Variants in YES1 observed in about 807,000 individuals in gnomAD.
YES1 encodes tyrosine-protein kinase Yes.
YES1 carries 39 observed loss-of-function variants against 70.4 expected under a neutral mutation model. That is an observed-to-expected ratio of 0.55 (90% CI 0.43 to 0.72). The LOEUF is 0.72. Ranked by LOEUF, YES1 falls within the 30% of genes least tolerant of loss-of-function variation. The pLI, the probability that YES1 is intolerant of heterozygous loss-of-function variation, is 0.00. For synonymous variants in YES1, 198 were observed against 218.6 expected (o/e 0.91, Z 0.83); for missense variants, 495 against 644.8 (o/e 0.77, Z 2.52).
intron 1 of YES1, among the ~76,000 whole-genome samples, chr18:790,361 A>G (rs1385587307): frequency 6.6e-6 from 1 of 152,222 alleles, no homozygotes; most frequent in Non-Finnish European, 1.5e-5. Flanking sequence ...CGGCAACAAG[A>G]GTAAAACTCC....
chr18:736,779 T>TA, intron 10 of YES1, 29 bp downstream of exon 10: 1 of 1,603,810 alleles, frequency 6.2e-7, no homozygotes, highest in Non-Finnish European at 8.5e-7. Context: ...CACAACACAT[T>TA]ACAAGCTTTT....
chr18:765,486 G>C (rs7504637), intron 1 of YES1, among the ~76,000 whole-genome samples: 92,198 of 147,922 alleles, frequency 0.62, 30,069 homozygotes, highest in African/African-American at 0.83. Flanking sequence ...GCAACCTCCC[G>C]CTCCCCGGTT....
intron 3 of YES1, among the ~76,000 whole-genome samples, chr18:748,420 A>C (rs572540486): frequency 2.6e-5 from 4 of 151,194 alleles, no homozygotes; most frequent in Non-Finnish European, 5.9e-5. Flanking sequence ...CCCCCACTTA[A>C]GATGTACAAT....
At chr18:798,759 C>T (rs769457712) in intron 1 of YES1, among the ~76,000 whole-genome samples, 24 of 152,304 alleles carry the variant, frequency 1.6e-4, no homozygotes, top group African/African-American at 4.1e-4. Flanking sequence ...TTCACTCCTT[C>T]AGGGGGTACA....
At chr18:746,215 A>G (rs1598901261) in intron 4 of YES1, among the ~76,000 whole-genome samples, 164 bp from the exon 5 acceptor site, 1 of 152,194 alleles carries the variant, frequency 6.6e-6, no homozygotes, top group Admixed American at 6.5e-5. Flanking sequence ...TTAAATAGTA[A>G]TATCACAAAT....
rs534823854 is a variant in YES1 at position 733,229 on chromosome 18, T to C, written c.1292-264A>G. On this transcript the variant is annotated intron_variant, in intron 10 of 11. Coordinates refer to ENST00000314574, the MANE Select transcript of YES1 (RefSeq NM_005433.4). ...AGAAAACAATTTAAGAAAATAGAGG[T>C]TGAAGCTCTAGTAAGCCAAAGATAC... is the stretch of plus-strand genomic sequence containing the variant. Among the ~76,000 whole-genome samples, 16 of 152,270 alleles carry C rather than the reference T, an allele frequency of 1.1e-4. 1 individual carries two copies. The highest frequency in any genetic ancestry group is 8.3e-4 in the South Asian group (4 of 4,822).
intron 1 of YES1, among the ~76,000 whole-genome samples, chr18:776,937 CG>C (rs1480196079): frequency 6.6e-6 from 1 of 152,192 alleles, no homozygotes; most frequent in Non-Finnish European, 1.5e-5. Flanking sequence ...TTTTCTAATA[CG>C]CTTTCCCTAT....
At chr18:764,076 C>A (rs1294766363) in intron 1 of YES1, among the ~76,000 whole-genome samples, 1 of 149,400 alleles carries the variant, frequency 6.7e-6, no homozygotes, top group Non-Finnish European at 1.5e-5. Flanking sequence ...GCCGAGATCA[C>A]ACCACTGCAC....
intron 1 of YES1, among the ~76,000 whole-genome samples, chr18:809,392 C>T (rs376765363): frequency 1.4e-4 from 22 of 152,032 alleles, no homozygotes; most frequent in East Asian, 5.8e-4. Context: ...CTCTGTCTCC[C>T]GGGTTCAAGC....
intron 1 of YES1, among the ~76,000 whole-genome samples, chr18:795,389 T>C (rs1379934162): frequency 6.6e-6 from 1 of 152,164 alleles, no homozygotes; most frequent in Non-Finnish European, 1.5e-5. Context: ...AACTGGTAAA[T>C]CTGGGTGGAG....
At chr18:726,221 TGA>T (rs767313581) in intron 11 of YES1, among the ~76,000 whole-genome samples, 13 of 151,878 alleles carry the variant, frequency 8.6e-5, no homozygotes, top group Non-Finnish European at 1.9e-4. Flanking sequence ...GTCAAGAGAT[TGA>T]GACCATCCTG....
chr18:726,781 C>CAAAAAAAAAAAAAAAAAAAAA (rs58322434), intron 11 of YES1, among the ~76,000 whole-genome samples: 1 of 47,250 alleles, frequency 2.1e-5, no homozygotes, highest in African/African-American at 8.7e-5. Flanking sequence ...ACTCTTGTCT[C>CAAAAAAAAAAAAAAAAAAAAA]AAAAAAAAAA....
intron 1 of YES1, among the ~76,000 whole-genome samples, chr18:770,469 A>G (rs1019398154): frequency 6.6e-6 from 1 of 152,128 alleles, no homozygotes; most frequent in Non-Finnish European, 1.5e-5. Context: ...TGTTCATTCT[A>G]GAATTCAGCA....
chr18:734,833 C>G, intron 10 of YES1, among the ~76,000 whole-genome samples: 1 of 152,074 alleles, frequency 6.6e-6, no homozygotes, highest in Non-Finnish European at 1.5e-5. Flanking sequence ...CCATTCAATC[C>G]AGCAAACCCA....
chr18:791,863 T>C (rs1474835251), intron 1 of YES1, among the ~76,000 whole-genome samples: 3 of 152,026 alleles, frequency 2.0e-5, no homozygotes, highest in African/African-American at 7.2e-5. Context: ...GAGAACAGCC[T>C]GACCAACATG....
chr18:736,714 T>C, intron 10 of YES1, 94 bp downstream of exon 10: 1 of 1,483,358 alleles, frequency 6.7e-7, no homozygotes, highest in South Asian at 1.4e-5. Flanking sequence ...TGAGGGAAGC[T>C]AAAACAATTC....
chr18:741,163 G>A (rs1048484442), intron 8 of YES1, among the ~76,000 whole-genome samples: 29 of 152,074 alleles, frequency 1.9e-4, no homozygotes, highest in African/African-American at 5.8e-4. Context: ...CTCCCAAAGC[G>A]CTGGGATTGG....
intron 4 of YES1, among the ~76,000 whole-genome samples, chr18:746,798 A>C (rs2080286417): frequency 6.6e-6 from 1 of 152,234 alleles, no homozygotes; most frequent in African/African-American, 2.4e-5. Flanking sequence ...AAAGTTGCAA[A>C]AATAGGACAC....
chr18:774,418 G>A (rs998323946), intron 1 of YES1, among the ~76,000 whole-genome samples: 1 of 152,152 alleles, frequency 6.6e-6, no homozygotes, highest in African/African-American at 2.4e-5. Flanking sequence ...TCACTTGGAC[G>A]TCTAAAAGGA....
Sources: gnomAD v4.1 joint callset for allele counts (sites outside exome capture counted in the v4.1 genomes callset) on GRCh38, gnomAD v4.1.1 for gene constraint, MANE v1.5 for transcripts, NCBI Gene and HGNC (gene_info 2026-07-23, HGNC 2026-07-21) for gene names.